Variants in SMC6 observed in about 807,000 individuals in gnomAD.
SMC6 encodes the protein structural maintenance of chromosomes protein 6.
Under a neutral mutation model 142.2 loss-of-function variants are expected in SMC6, and 79 were observed. The observed-to-expected ratio is 0.56, with a 90% CI of 0.46 to 0.67. The LOEUF is 0.67. SMC6 is among the 30% of genes least tolerant of loss of function. SMC6 has a pLI of 0.00. For synonymous variants in SMC6, 411 were observed against 412.4 expected (o/e 1.00, Z 0.04); for missense variants, 1,072 against 1,284.0 (o/e 0.83, Z 2.52).
rs1292872773 is a variant in SMC6 at position 17,714,948 on chromosome 2, A to C, written c.1643T>G (p.Leu548Arg). 2.5e-6 allele frequency: 4 copies of C among 1,613,842 alleles called. No homozygotes were observed. The highest frequency in any genetic ancestry group is 3.4e-6 in the Non-Finnish European group (4 of 1,179,944). ...NHADERVLQA[L>R]MKRFYLPGTS... ...CCCTGGTAAATAAAACCTTTTCATG[A>C]GTGCCTGAAGGACCCTTTCATCAGC... Residue 548 changes from leucine (L) to arginine (R), a missense_variant, in exon 16 of 28, where the codon CTC (leucine) becomes CGC (arginine). Around this residue, in one of 3 missense-constraint regions of SMC6, gnomAD observed 994 missense variants for 1,153.2 expected, o/e 0.86. Coordinates refer to ENST00000448223, the MANE Select transcript of SMC6 (RefSeq NM_001142286.2).
At chr2:17,737,080 C>T (rs941705137) in intron 5 of SMC6, among the ~76,000 whole-genome samples, 8 of 152,088 alleles carry the variant, frequency 5.3e-5, no homozygotes, top group Admixed American at 2.0e-4. Context: ...AGAAACTATG[C>T]TGGAAATTGT....
At chr2:17,714,421 T>C (rs1028172446) in intron 16 of SMC6, among the ~76,000 whole-genome samples, 1 of 152,100 alleles carries the variant, frequency 6.6e-6, no homozygotes, top group Non-Finnish European at 1.5e-5. Context: ...TATTAGCCAG[T>C]AGTTAGCAAA....
At chr2:17,677,425 TC>T (rs992038438) in intron 25 of SMC6, among the ~76,000 whole-genome samples, 1 of 152,130 alleles carries the variant, frequency 6.6e-6, no homozygotes, top group Admixed American at 6.6e-5. Flanking sequence ...GCAGTTCCCT[TC>T]CCAAGTTTCT....
At chr2:17,701,307 TCACTG>T (rs1668260876) in intron 20 of SMC6, among the ~76,000 whole-genome samples, 1 of 152,010 alleles carries the variant, frequency 6.6e-6, no homozygotes, top group African/African-American at 2.4e-5. Context: ...TTTATCTAAT[TCACTG>T]TTTACTGCAA....
chr2:17,708,977 T>C (rs369863569), intron 16 of SMC6, among the ~76,000 whole-genome samples: 4 of 152,250 alleles, frequency 2.6e-5, no homozygotes, highest in South Asian at 2.1e-4. Flanking sequence ...TGCTAGGCAC[T>C]GTTATAAGCA....
chr2:17,672,430 C>T (rs1666803120), intron 25 of SMC6, among the ~76,000 whole-genome samples: 1 of 151,632 alleles, frequency 6.6e-6, no homozygotes, highest in African/African-American at 2.4e-5. Context: ...TTTTTTTCTC[C>T]ATTTTTTTAT....
rs950435819 is a variant in SMC6 at position 17,678,865 on chromosome 2, A to G, written c.2904T>C (p.Ser968=). The G allele has an allele frequency of 6.3e-7, 1 of 1,591,082 alleles. No homozygotes were observed. Among genetic ancestry groups the G allele is most frequent in the Admixed American group, 1.7e-5 (1 of 59,524 alleles). ...MNFDHKNETL[S]ISVQPGEGNK... The stretch of plus-strand genomic sequence containing the variant: ...AAAGAATTAGGATACTTACTGATAT[A>G]CTTAGAGTTTCATTCTTGTGGTCAA... Residue 968 remains serine (S), a synonymous_variant, in exon 25 of 28, where the codon AGT becomes AGC. Transcript: ENST00000448223.
intron 25 of SMC6, among the ~76,000 whole-genome samples, chr2:17,677,551 CT>C (rs1244482638): frequency 1.3e-5 from 2 of 152,170 alleles, no homozygotes; most frequent in East Asian, 1.9e-4. Flanking sequence ...ACAGGCTCCC[CT>C]ATCCCTTGGA....
At chr2:17,746,080 A>G in intron 2 of SMC6, 129 bp from the exon 3 acceptor site, 1 of 945,338 alleles carries the variant, frequency 1.1e-6, no homozygotes, top group Non-Finnish European at 1.4e-6. Context: ...TAAAAATTAA[A>G]GTAAATTAGT....
Position 17,717,120 on chromosome 2 carries a change from C to T in SMC6, c.1149G>A (p.Gln383=). 6.2e-7 allele frequency: 1 copy of T among 1,612,306 alleles called. No homozygotes were observed. The part of the protein sequence containing the change: ...EYKALKKDDE[Q]LCKRIEELKK... ...TCAGCTCTTCAATTCGTTTACAAAG[C>T]TGCTCATCATCTTTCTTTAATGCTT... The change falls in exon 13 of 28, where the codon CAG becomes CAA. Residue 383 remains glutamine, a synonymous_variant. Transcript: ENST00000448223.
At chr2:17,675,850 A>G (rs1468402118) in intron 25 of SMC6, among the ~76,000 whole-genome samples, 2 of 152,030 alleles carry the variant, frequency 1.3e-5, no homozygotes, top group African/African-American at 4.8e-5. Context: ...GGTTTTCTTT[A>G]TATTTACCTC....
At chr2:17,714,427 G>C (rs1461567857) in intron 16 of SMC6, among the ~76,000 whole-genome samples, 1 of 152,120 alleles carries the variant, frequency 6.6e-6, no homozygotes, top group Non-Finnish European at 1.5e-5. Flanking sequence ...CCAGTAGTTA[G>C]CAAAGAAGCC....
intron 5 of SMC6, 55 bp from the exon 6 acceptor site, chr2:17,731,932 T>C: frequency 1.9e-6 from 3 of 1,543,162 alleles, no homozygotes; most frequent in Non-Finnish European, 2.6e-6. Flanking sequence ...ATTACAATAC[T>C]AGGTTGCCAC....
At chr2:17,736,291 T>A (rs1670148148) in intron 5 of SMC6, among the ~76,000 whole-genome samples, 1 of 152,110 alleles carries the variant, frequency 6.6e-6, no homozygotes, top group South Asian at 2.1e-4. Context: ...AAAGAAAAAA[T>A]AAAATATAAC....
At position 17,716,126 on chromosome 2, in the gene SMC6, A is replaced by G. The variant is rs138554068; in HGVS notation, c.1485T>C (p.Tyr495=). 1.4e-5 allele frequency: 23 copies of G among 1,606,986 alleles called. No homozygotes were observed. Among genetic ancestry groups the G allele is most frequent in the African/African-American group, 9.4e-5 (7 of 74,438 alleles). The part of the protein sequence containing the change: ...PALLEAIDDA[Y]RQGHFTYKPV... ...GTTTATAGGTAAAATGTCCTTGTCTATAAGCATCATCTATGGCTTCAAGAA... is the reference window on the plus strand; with the variant it reads ...GTTTATAGGTAAAATGTCCTTGTCTGTAAGCATCATCTATGGCTTCAAGAA... The change falls in exon 15 of 28, where the codon TAT becomes TAC. Residue 495 remains tyrosine, a synonymous_variant. Coordinates refer to ENST00000448223, the MANE Select transcript of SMC6 (RefSeq NM_001142286.2).
At chr2:17,677,344 G>T (rs890080607) in intron 25 of SMC6, among the ~76,000 whole-genome samples, 1 of 152,070 alleles carries the variant, frequency 6.6e-6, no homozygotes, top group Admixed American at 6.6e-5. Context: ...ATTCATAACT[G>T]TTCCTTGGGC....
chr2:17,719,543 A>T (rs1471533230), intron 11 of SMC6, among the ~76,000 whole-genome samples: 1 of 152,234 alleles, frequency 6.6e-6, no homozygotes, highest in Non-Finnish European at 1.5e-5. Flanking sequence ...TTTCCCATTT[A>T]AAAAAGAGGT....
intron 21 of SMC6, among the ~76,000 whole-genome samples, chr2:17,699,534 A>G (rs1182648052): frequency 6.6e-6 from 1 of 152,020 alleles, no homozygotes; most frequent in Admixed American, 6.6e-5. Flanking sequence ...GTACTTTTTC[A>G]GTCATGCCCT....
chr2:17,692,747 C>G (rs370712250), intron 23 of SMC6, among the ~76,000 whole-genome samples: 1 of 152,208 alleles, frequency 6.6e-6, no homozygotes, highest in Non-Finnish European at 1.5e-5. Context: ...GCAAAAGAAA[C>G]TACCATCAGA....
Sources: allele counts gnomAD v4.1 joint callset (sites outside exome capture counted in the v4.1 genomes callset), GRCh38; gene constraint gnomAD v4.1.1; regional missense constraint gnomAD v4.1.1; transcripts MANE v1.5; gene names NCBI Gene and HGNC (gene_info 2026-07-23, HGNC 2026-07-21).